The following BSPH1 variants were observed in gnomAD, a reference collection of about 807,000 sequenced individuals.
The protein encoded by BSPH1 is binder of sperm 1.
In BSPH1, 21 loss-of-function variants were observed where a neutral mutation model predicts 22.5. The ratio of observed to expected loss-of-function variants is 0.93; its 90% confidence interval spans 0.66 to 1.35. The LOEUF is 1.35. Ranked by LOEUF, BSPH1 falls within the 40% of genes most tolerant of loss-of-function variation. The pLI is 0.00. For missense variants in BSPH1, 141 were observed against 154.2 expected, an observed-to-expected ratio of 0.91 and a Z score of 0.45; for synonymous variants, 42 against 53.6, an observed-to-expected ratio of 0.78 and a Z score of 0.95.
rs1162877914 is a variant in BSPH1 at position 47,969,684 on chromosome 19, G to GGGGAGAGAGAGAGA, written c.*3-1476_*3-1475insTCTCTCTCTCTCCC. Among the ~76,000 whole-genome samples the GGGGAGAGAGAGAGA allele has an allele frequency of 9.0e-4, 103 of 113,866 alleles. 2 individuals carry two copies. Among genetic ancestry groups the GGGGAGAGAGAGAGA allele is most frequent in the South Asian group, 6.7e-3 (20 of 2,990 alleles). 74.7% of individuals were successfully genotyped at this position (113,866 alleles called of 152,430 possible). ...CACTACCTGTAAGGCAGGGAGAGGGGGAGAGAGAGAGAGAGAGAGAGAGAG... is the reference window on the plus strand; with the variant it reads ...CACTACCTGTAAGGCAGGGAGAGGGGGGGAGAGAGAGAGAGAGAGAGAGAGAGAGAGAGAGAGAG... On this transcript the variant is annotated intron_variant, in intron 5 of 5. Transcript: ENST00000344839.
chr19:47,990,559 A>T (rs2122270642), intron 1 of BSPH1, among the ~76,000 whole-genome samples: 1 of 152,140 alleles, frequency 6.6e-6, no homozygotes, highest in Non-Finnish European at 1.5e-5. Flanking sequence ...AGCAGTGGTC[A>T]TAGTTACATT....
intron 5 of BSPH1, among the ~76,000 whole-genome samples, chr19:47,973,973 A>G (rs1292383851): frequency 6.6e-6 from 1 of 152,170 alleles, no homozygotes; most frequent in East Asian, 1.9e-4. Context: ...AAATAAACCC[A>G]AACATCGCCC....
rs1298524013 is a variant in BSPH1 at position 47,976,595 on chromosome 19, A to AC, written c.*2+114_*2+115insG. The AC allele has an allele frequency of 1.2e-4, 54 of 448,722 alleles. 1 individual carries two copies. Among genetic ancestry groups the AC allele is most frequent in the Admixed American group, 1.1e-3 (24 of 21,280 alleles). The allele number at this position is 448,722 out of a possible 1,614,324, so 27.8% of individuals were successfully genotyped here. On this transcript the variant is annotated intron_variant, in intron 5 of 5. Transcript: ENST00000344839. The stretch of plus-strand genomic sequence containing the variant: ...ACTCACATCCCAGAAAAAAAAAAAA[A>AC]ACAAAAAAAAACCCTCTCTAATGAG...
intron 1 of BSPH1, among the ~76,000 whole-genome samples, chr19:47,986,068 G>A (rs934913220): frequency 6.6e-6 from 1 of 152,112 alleles, no homozygotes; most frequent in African/African-American, 2.4e-5. Context: ...GGAGTCTGGG[G>A]AAGCTGGTCG....
At position 47,976,768 on chromosome 19, in the gene BSPH1, A is replaced by G. The variant is rs1338682347; in HGVS notation, c.343T>C (p.Trp115Arg). Reference sequence around the variant, plus strand: ...TTAAAATTCTTGGTCAGTGAACACCATTTTTTCCCAAATGCTTCCCCATCA... The same window carrying G: ...TTAAAATTCTTGGTCAGTGAACACCGTTTTTTCCCAAATGCTTCCCCATCA... ...TDDGEAFGKK[W>R]CSLTKNFNKD... is the part of the protein sequence containing the mutation. Residue 115 changes from tryptophan to arginine, a missense_variant, in exon 5 of 6, where the codon TGG (tryptophan) becomes CGG (arginine). Transcript: ENST00000344839. 4 of 1,551,444 alleles carry G rather than the reference A, an allele frequency of 2.6e-6. No homozygotes were observed. Among genetic ancestry groups the G allele is most frequent in the East Asian group, 2.4e-5 (1 of 40,930 alleles).
chr19:47,984,957 C>G (rs939465217), intron 1 of BSPH1, among the ~76,000 whole-genome samples: 4 of 151,354 alleles, frequency 2.6e-5, no homozygotes, highest in African/African-American at 9.7e-5. Context: ...ATCCCAGCTA[C>G]TCAGGAGGCT....
rs1969376647 is a variant in BSPH1, at chr19:47,977,522, C to T, written c.125-18G>A. Reference sequence around the variant, plus strand: ...CTCCCCATCTAGAGAAAACAAAATTCTTCCTCTGTTTCTGGGTGTGTTAGG... The same window carrying T: ...CTCCCCATCTAGAGAAAACAAAATTTTTCCTCTGTTTCTGGGTGTGTTAGG... On this transcript the variant is annotated intron_variant, in intron 3 of 5. Coordinates refer to ENST00000344839, the MANE Select transcript of BSPH1 (RefSeq NM_001128326.2). The T allele has an allele frequency of 6.4e-7, 1 of 1,550,864 alleles. No individual in the cohort carries two copies. The highest frequency in any genetic ancestry group is 1.2e-5 in the South Asian group (1 of 83,890).
At chr19:47,976,627 T>TTCTCCTCTGCCAA (rs1391164077) in intron 5 of BSPH1, 83 bp downstream of exon 5, 22 of 941,158 alleles carry the variant, frequency 2.3e-5, no homozygotes, top group Non-Finnish European at 3.3e-5. Flanking sequence ...TGAGAAAGGG[T>TTCTCCTCTGCCAA]TCTCCTCTGC....
intron 5 of BSPH1, among the ~76,000 whole-genome samples, chr19:47,968,810 G>A (rs965760269): frequency 6.6e-6 from 1 of 151,554 alleles, no homozygotes; most frequent in Admixed American, 6.6e-5. Context: ...ACCAACCTGG[G>A]CAACACTGTG....
intron 1 of BSPH1, among the ~76,000 whole-genome samples, chr19:47,985,332 T>A (rs1969460717): frequency 1.3e-5 from 2 of 152,046 alleles, no homozygotes; most frequent in Non-Finnish European, 2.9e-5. Flanking sequence ...ACCATGAAGA[T>A]AAGAATGAAG....
At chr19:47,974,601 CT>C (rs1428389021) in intron 5 of BSPH1, among the ~76,000 whole-genome samples, 1 of 151,758 alleles carries the variant, frequency 6.6e-6, no homozygotes, top group African/African-American at 2.4e-5. Flanking sequence ...TCTCTCCTCC[CT>C]CCTTTCCATT....
chr19:47,974,090 T>C lies in BSPH1; in HGVS notation c.*2+2620A>G, dbSNP rs183357614. 3.6e-3 allele frequency among the ~76,000 whole-genome samples: 547 copies of C among 152,236 alleles called. 2 individuals carry two copies. The highest frequency in any genetic ancestry group is 5.9e-3 in the Non-Finnish European group (404 of 68,020). ...CCAGCCATGCTGAGTGCTATCTGCA[T>C]GCACCTCCCGGCTCTCTCTCCACCC... On this transcript the variant is annotated intron_variant, in intron 5 of 5. Coordinates refer to ENST00000344839, the MANE Select transcript of BSPH1 (RefSeq NM_001128326.2).
chr19:47,969,806 T>A lies in BSPH1; in HGVS notation c.*3-1597A>T, dbSNP rs1386720199. Among the ~76,000 whole-genome samples, 4 of 147,436 alleles carry A rather than the reference T, an allele frequency of 2.7e-5. No homozygotes were observed. In the South Asian group the frequency reaches 8.6e-4, roughly 32 times the overall value. ...GTGTGTGTGAGAGAGACTTCAGAAT[T>A]TATTTGTGTGTGTGTGAGAGAGAGA... is the stretch of plus-strand genomic sequence containing the variant. On this transcript the variant is annotated intron_variant, in intron 5 of 5. Transcript: ENST00000344839.
chr19:47,981,111 T>C (rs1969415944), intron 1 of BSPH1, among the ~76,000 whole-genome samples, 170 bp from the exon 2 acceptor site: 1 of 152,194 alleles, frequency 6.6e-6, no homozygotes, highest in Admixed American at 6.5e-5. Flanking sequence ...CTTACTTTCC[T>C]TTTGCTTTAA....
intron 5 of BSPH1, among the ~76,000 whole-genome samples, chr19:47,968,827 C>T (rs972264674): frequency 2.0e-5 from 3 of 151,666 alleles, no homozygotes; most frequent in South Asian, 2.1e-4. Context: ...TGTGAAACCC[C>T]GTCTCTACTA....
rs751256034 is a variant in BSPH1, at chr19:47,979,563, G to C, written c.124+7C>G. On this transcript the variant is annotated splice_region_variant and intron_variant, in intron 3 of 5. Coordinates refer to ENST00000344839, the MANE Select transcript of BSPH1 (RefSeq NM_001128326.2). Reference sequence around the variant, plus strand: ...CATTAATAATCAAAGTTTTCTGATCGACTTACCTGTAACTTCTGGAAAATG... The same window carrying C: ...CATTAATAATCAAAGTTTTCTGATCCACTTACCTGTAACTTCTGGAAAATG... The C allele has an allele frequency of 1.5e-6, 2 of 1,306,770 alleles. No homozygotes were observed. The highest frequency in any genetic ancestry group is 3.1e-5 in the African/African-American group (2 of 65,296). 80.9% of individuals were successfully genotyped at this position (1,306,770 alleles called of 1,614,324 possible). A position where few individuals can be genotyped will look rare whatever the true frequency, so the allele number is the denominator to read the frequency against.
rs188783227 is a variant in BSPH1 at position 47,987,231 on chromosome 19, A to G, written c.73+4778T>C. ...AGACGAAGAATTTGAGTGTCACTAG[A>G]CAATCCAGTTTGTGGAGGCTAAAAC... On this transcript the variant is annotated intron_variant, in intron 1 of 5. Coordinates refer to ENST00000344839, the MANE Select transcript of BSPH1 (RefSeq NM_001128326.2). Among the ~76,000 whole-genome samples the G allele has an allele frequency of 5.6e-3, 859 of 152,316 alleles. 4 individuals are homozygous for G. The highest frequency in any genetic ancestry group is 0.02 in the Middle Eastern group (6 of 294).
At chr19:47,967,755 T>C (rs113927969), downstream of BSPH1, among the ~76,000 whole-genome samples, 77 of 152,292 alleles carry the variant, frequency 5.1e-4, 2 homozygotes, top group African/African-American at 1.7e-3. Flanking sequence ...CTTCAACATA[T>C]GAATTTTGGA....
At chr19:47,982,549 C>T (rs999851343) in intron 1 of BSPH1, among the ~76,000 whole-genome samples, 1 of 152,178 alleles carries the variant, frequency 6.6e-6, no homozygotes, top group African/African-American at 2.4e-5. Context: ...AGCTTTGTTG[C>T]ATATTAGAAT....
Sources: allele counts gnomAD v4.1 joint callset (sites outside exome capture counted in the v4.1 genomes callset), GRCh38; gene constraint gnomAD v4.1.1; transcripts MANE v1.5; gene names NCBI Gene and HGNC (gene_info 2026-07-23, HGNC 2026-07-21).